Variants in NRXN3 observed in about 807,000 individuals in gnomAD.
NRXN3 encodes neurexin 3.
Under a neutral mutation model 137.6 loss-of-function variants are expected in NRXN3, and 32 were observed. The ratio of observed to expected loss-of-function variants is 0.23; its 90% confidence interval spans 0.18 to 0.31. The LOEUF (loss-of-function observed/expected upper bound fraction) is 0.31, where lower values mean the gene tolerates loss of function less well. Ranked by LOEUF, NRXN3 falls within the 10% of genes least tolerant of loss-of-function variation. NRXN3 has a pLI of 1.00. For synonymous variants in NRXN3, 798 were observed against 784.5 expected (o/e 1.02, Z -0.29); for missense variants, 1,574 against 2,062.5 (o/e 0.76, Z 4.59).
chr14:78,456,863 T>C lies in NRXN3; in HGVS notation c.757+159003T>C, dbSNP rs1047902976. Among the ~76,000 whole-genome samples, 6 of 121,910 alleles carry C rather than the reference T, an allele frequency of 4.9e-5. No homozygotes were observed. In the Admixed American group the frequency reaches 5.4e-4, roughly 11 times the overall value. 80.0% of individuals were successfully genotyped at this position (121,910 alleles called of 152,430 possible). ...TTTCTTTCTTTCTTTCTTTTTCTCT[T>C]TCTTTCTTTCTTTCTTTCCTTCTTT... On this transcript the variant is annotated intron_variant, in intron 4 of 20. Coordinates refer to ENST00000335750, the MANE Select transcript of NRXN3 (RefSeq NM_001330195.2).
chr14:79,293,688 A>G (rs917420977), intron 15 of NRXN3, among the ~76,000 whole-genome samples: 37 of 152,326 alleles, frequency 2.4e-4, no homozygotes, highest in African/African-American at 8.2e-4. Context: ...ATGACAACCA[A>G]GATACTCCAA....
chr14:79,383,217 TATAA>T (rs1843435725), intron 15 of NRXN3, among the ~76,000 whole-genome samples: 1 of 151,804 alleles, frequency 6.6e-6, no homozygotes, highest in African/African-American at 2.4e-5. Context: ...TGTAGGGAAA[TATAA>T]ATAGATTGGC....
chr14:79,343,799 A>G (rs937866983), intron 15 of NRXN3, among the ~76,000 whole-genome samples: 1 of 152,182 alleles, frequency 6.6e-6, no homozygotes, highest in African/African-American at 2.4e-5. Context: ...TCTGGAGGAA[A>G]GAATCCTTTT....
At chr14:78,517,370 A>C (rs1045868672) in intron 4 of NRXN3, among the ~76,000 whole-genome samples, 1 of 152,140 alleles carries the variant, frequency 6.6e-6, no homozygotes, top group Non-Finnish European at 1.5e-5. Context: ...GCCCTTGCCT[A>C]GTACATATGG....
chr14:79,859,094 T>C lies in NRXN3; in HGVS notation c.4094-2248T>C, dbSNP rs376214066. On this transcript the variant is annotated intron_variant, in intron 20 of 20. Coordinates refer to ENST00000335750, the MANE Select transcript of NRXN3 (RefSeq NM_001330195.2). ...TAGTTTCAAACTCTGAGCACCAGAATAGAGGCTTAGGTTTAGAGCACATAC... is the reference window on the plus strand; with the variant it reads ...TAGTTTCAAACTCTGAGCACCAGAACAGAGGCTTAGGTTTAGAGCACATAC... Among the ~76,000 whole-genome samples the C allele has an allele frequency of 9.2e-5, 14 of 151,750 alleles. No individual in the cohort carries two copies. The East Asian group carries it at 9.7e-4, about 11-fold the overall frequency.
At chr14:79,447,424 G>A (rs560256366) in intron 15 of NRXN3, among the ~76,000 whole-genome samples, 8 of 152,160 alleles carry the variant, frequency 5.3e-5, no homozygotes, top group Non-Finnish European at 1.0e-4. Context: ...TTAAGAAAAA[G>A]GTAGCAGCAA....
intron 4 of NRXN3, among the ~76,000 whole-genome samples, chr14:78,600,517 C>T (rs566501929): frequency 2.5e-4 from 38 of 152,308 alleles, no homozygotes; most frequent in African/African-American, 8.9e-4. Context: ...GCTTCTGTGA[C>T]ACCTGATTGT....
intron 19 of NRXN3, among the ~76,000 whole-genome samples, chr14:79,802,135 T>C (rs930711375): frequency 6.6e-6 from 1 of 152,198 alleles, no homozygotes; most frequent in Admixed American, 6.5e-5. Flanking sequence ...ATTATGTTAA[T>C]GTATGTTTTG....
intron 10 of NRXN3, among the ~76,000 whole-genome samples, chr14:78,864,835 A>G (rs1370594920): frequency 1.3e-5 from 2 of 152,098 alleles, no homozygotes; most frequent in East Asian, 1.9e-4. Flanking sequence ...AGCAAGGCCT[A>G]TTGTTCAGAT....
intron 6 of NRXN3, among the ~76,000 whole-genome samples, chr14:78,688,780 A>T (rs1280485159): frequency 6.6e-6 from 1 of 152,130 alleles, no homozygotes; most frequent in African/African-American, 2.4e-5. Flanking sequence ...GTGCCAGCAT[A>T]AACATGGAGG....
At chr14:78,210,319 G>A (rs894781212) in intron 1 of NRXN3, among the ~76,000 whole-genome samples, 2 of 152,140 alleles carry the variant, frequency 1.3e-5, no homozygotes, top group African/African-American at 4.8e-5. Flanking sequence ...GGCCTCTGCT[G>A]TAAGGGCACT....
At chr14:78,530,454 A>G (rs889544291) in intron 4 of NRXN3, among the ~76,000 whole-genome samples, 2 of 152,188 alleles carry the variant, frequency 1.3e-5, no homozygotes, top group African/African-American at 2.4e-5. Context: ...TTAGGCTTCT[A>G]CAAGTTATTT....
intron 20 of NRXN3, among the ~76,000 whole-genome samples, chr14:79,818,655 G>T (rs533073168): frequency 6.6e-6 from 1 of 152,104 alleles, no homozygotes; most frequent in Non-Finnish European, 1.5e-5. Flanking sequence ...GTAACTATTT[G>T]TTTATCCTCC....
intron 3 of NRXN3, among the ~76,000 whole-genome samples, chr14:78,294,191 A>G (rs117002052): frequency 1.9e-3 from 291 of 152,348 alleles, no homozygotes; most frequent in Middle Eastern, 6.8e-3. Context: ...AGGTACTATA[A>G]TAGGTGTTGC....
chr14:78,946,289 C>G (rs1465530993), intron 10 of NRXN3, among the ~76,000 whole-genome samples: 1 of 152,134 alleles, frequency 6.6e-6, no homozygotes, highest in Non-Finnish European at 1.5e-5. Flanking sequence ...TACAGAAATA[C>G]AGGTCTTGGT....
rs76943983 is a variant in NRXN3 at position 79,253,150 on chromosome 14, C to T, written c.3263-214071C>T. 1.1e-3 allele frequency among the ~76,000 whole-genome samples: 175 copies of T among 152,262 alleles called. 2 individuals are homozygous for T. The East Asian group carries it at 0.02, about 17-fold the overall frequency. On this transcript the variant is annotated intron_variant, in intron 15 of 20. Transcript: ENST00000335750. ...AACATTCCTAGATCTGTTCTCCTGC[C>T]TTGTCTGTGTGTTTTGGGGAAGAGA...
At chr14:78,454,095 A>G (rs2094620316) in intron 4 of NRXN3, among the ~76,000 whole-genome samples, 1 of 152,204 alleles carries the variant, frequency 6.6e-6, no homozygotes, top group African/African-American at 2.4e-5. Flanking sequence ...ATTAGATGAG[A>G]GTCTACTGTG....
At chr14:79,819,665 A>G (rs1312124483) in intron 20 of NRXN3, among the ~76,000 whole-genome samples, 1 of 151,652 alleles carries the variant, frequency 6.6e-6, no homozygotes, top group African/African-American at 2.4e-5. Context: ...TTGTGTTTTT[A>G]GTAGAGACGG....
At chr14:78,477,742 A>G (rs2095404918) in intron 4 of NRXN3, among the ~76,000 whole-genome samples, 1 of 152,212 alleles carries the variant, frequency 6.6e-6, no homozygotes. Flanking sequence ...AAATCCTACT[A>G]TTAATTAAAA....
Sources: allele counts gnomAD v4.1 joint callset (sites outside exome capture counted in the v4.1 genomes callset), GRCh38; gene constraint gnomAD v4.1.1; transcripts MANE v1.5; gene names NCBI Gene and HGNC (gene_info 2026-07-23, HGNC 2026-07-21).